GMEB2: variants seen among roughly 807,000 people sequenced by gnomAD.
The protein encoded by GMEB2 is glucocorticoid modulatory element-binding protein 2.
A neutral mutation model predicts 45.7 loss-of-function variants in GMEB2; 7 were observed. The observed-to-expected ratio is 0.15, with a 90% CI of 0.09 to 0.29. GMEB2 has a LOEUF of 0.29. Among genes scored for constraint, GMEB2 ranks in the 10% least tolerant of loss-of-function variants. The pLI is 1.00. For missense variants in GMEB2, 582 were observed against 739.2 expected, an observed-to-expected ratio of 0.79 and a Z score of 2.47; for synonymous variants, 322 against 323.6, an observed-to-expected ratio of 1.00 and a Z score of 0.05.
At chr20:63,620,124 C>G (rs1054715387) in intron 1 of GMEB2, among the ~76,000 whole-genome samples, 6 of 152,206 alleles carry the variant, frequency 3.9e-5, no homozygotes, top group African/African-American at 1.4e-4. Context: ...GTCTCAAACT[C>G]CTGACCTCAG....
chr20:63,617,864 G>A (rs1056202670), intron 2 of GMEB2, among the ~76,000 whole-genome samples: 4 of 152,302 alleles, frequency 2.6e-5, no homozygotes, highest in African/African-American at 9.6e-5. Context: ...CACGAAAGCT[G>A]GGCTCAGTTG....
intron 2 of GMEB2, among the ~76,000 whole-genome samples, chr20:63,609,778 C>T (rs71325455): frequency 6.9e-5 from 6 of 86,766 alleles, no homozygotes; most frequent in Non-Finnish European, 1.1e-4. Flanking sequence ...TAGAAACATG[C>T]CCCTCTGACC....
rs769413938 is a variant in GMEB2 at position 63,593,048 on chromosome 20, G to C, written c.654C>G (p.Thr218=). The change falls in exon 7 of 10, where the codon ACC becomes ACG. Residue 218 remains threonine (T), a synonymous_variant. Transcript: ENST00000370077. This position sits in a 1 kb window ranked among gnomAD's most constrained non-coding sequence, Gnocchi z 4.7. ...NGSPATITIE[T]CEDPGDWTAA... ...CGGTCCAGTCGCCAGGGTCTTCACA[G>C]GTCTCTATGGTGATGGTCGCAGGAG... is the stretch of plus-strand genomic sequence containing the variant. 4.3e-6 allele frequency: 7 copies of C among 1,612,194 alleles called. No individual in the cohort carries two copies. In the East Asian group the frequency reaches 1.6e-4, roughly 36 times the overall value.
chr20:63,614,667 C>T (rs1218449103), intron 2 of GMEB2, among the ~76,000 whole-genome samples: 4 of 152,300 alleles, frequency 2.6e-5, no homozygotes, highest in East Asian at 1.9e-4. Flanking sequence ...GCTCCTAGTC[C>T]GCCTTCATGT....
intron 2 of GMEB2, among the ~76,000 whole-genome samples, chr20:63,610,517 T>C (rs1270714264): frequency 6.6e-6 from 1 of 151,746 alleles, no homozygotes; most frequent in Non-Finnish European, 1.5e-5. Context: ...TGAGAATCTG[T>C]CTCAAAAAAA....
intron 5 of GMEB2, among the ~76,000 whole-genome samples, chr20:63,596,736 G>A (rs1480271601): frequency 2.0e-5 from 3 of 152,260 alleles, no homozygotes; most frequent in African/African-American, 7.2e-5. Context: ...GATAAGTGAA[G>A]GCCGGGCACG....
At chr20:63,615,029 T>C (rs1397988767) in intron 2 of GMEB2, among the ~76,000 whole-genome samples, 1 of 152,214 alleles carries the variant, frequency 6.6e-6, no homozygotes, top group African/African-American at 2.4e-5. Context: ...TCTTTATTTC[T>C]ACACTCTCTC....
intron 5 of GMEB2, among the ~76,000 whole-genome samples, chr20:63,597,281 C>T (rs2083207328): frequency 2.0e-5 from 3 of 151,242 alleles, no homozygotes; most frequent in African/African-American, 7.3e-5. Flanking sequence ...CCACCTTAGC[C>T]TCTCGAGCAG....
intron 3 of GMEB2, among the ~76,000 whole-genome samples, 161 bp downstream of exon 3, chr20:63,604,582 G>A (rs920278978): frequency 6.6e-6 from 1 of 152,184 alleles, no homozygotes; most frequent in Non-Finnish European, 1.5e-5. Flanking sequence ...TTCCACCTGG[G>A]GGACCTGGGG....
chr20:63,618,807 C>T (rs2089625979), intron 2 of GMEB2, among the ~76,000 whole-genome samples: 2 of 152,190 alleles, frequency 1.3e-5, no homozygotes, highest in Non-Finnish European at 2.9e-5. Flanking sequence ...GTTCCACCTA[C>T]GGGCAGCAAA....
intron 3 of GMEB2, among the ~76,000 whole-genome samples, chr20:63,603,830 A>G (rs1178676869): frequency 1.3e-5 from 2 of 152,122 alleles, no homozygotes; most frequent in East Asian, 1.9e-4. Context: ...AGGTGGGTGG[A>G]TCACCTGAGG....
At chr20:63,622,191 C>A (rs987931662) in intron 1 of GMEB2, among the ~76,000 whole-genome samples, 1 of 152,086 alleles carries the variant, frequency 6.6e-6, no homozygotes, top group African/African-American at 2.4e-5. Flanking sequence ...CTTTTAAAAT[C>A]ATCATTGTTA....
chr20:63,609,106 C>CT (rs201135517), intron 2 of GMEB2, among the ~76,000 whole-genome samples: 3 of 107,846 alleles, frequency 2.8e-5, no homozygotes, highest in African/African-American at 7.4e-5. Flanking sequence ...CCCCTCTGAC[C>CT]CACCTCCATT....
At chr20:63,605,753 G>A (rs2089513991) in intron 2 of GMEB2, among the ~76,000 whole-genome samples, 10 of 152,040 alleles carry the variant, frequency 6.6e-5, no homozygotes, top group Admixed American at 2.6e-4. Context: ...TCAGGAGTTC[G>A]AGACCAGCCT....
chr20:63,595,473 C>T, intron 6 of GMEB2, 137 bp downstream of exon 6: 1 of 705,408 alleles, frequency 1.4e-6, no homozygotes, highest in Non-Finnish European at 2.3e-6. Context: ...CCAGACAACT[C>T]AGGGTCCCAG....
At chr20:63,601,916 C>T (rs930557042) in intron 4 of GMEB2, among the ~76,000 whole-genome samples, 1 of 150,750 alleles carries the variant, frequency 6.6e-6, no homozygotes, top group Non-Finnish European at 1.5e-5. Context: ...TTCCGTGGGG[C>T]CTGTGGCTTC....
intron 3 of GMEB2, 87 bp downstream of exon 3, chr20:63,604,656 C>A (rs2089504168): frequency 3.7e-6 from 3 of 817,248 alleles, no homozygotes; most frequent in Non-Finnish European, 6.6e-6. Context: ...CCTTGTATAT[C>A]TCTGGCTGTT....
At chr20:63,626,351 C>CTA (rs2089672388) in intron 1 of GMEB2, among the ~76,000 whole-genome samples, 1 of 143,130 alleles carries the variant, frequency 7.0e-6, no homozygotes, top group African/African-American at 2.6e-5. Flanking sequence ...GGGGTGGCCC[C>CTA]TGGGAATCGC....
At chr20:63,616,879 C>A (rs1298236242) in intron 2 of GMEB2, among the ~76,000 whole-genome samples, 1 of 152,154 alleles carries the variant, frequency 6.6e-6, no homozygotes, top group Non-Finnish European at 1.5e-5. Context: ...AAGGCCTCAT[C>A]CCCAGTGTGA....
Sources: allele counts gnomAD v4.1 joint callset (sites outside exome capture counted in the v4.1 genomes callset), GRCh38; gene constraint gnomAD v4.1.1; non-coding constraint Gnocchi (gnomAD v3.1); transcripts MANE v1.5; gene names NCBI Gene and HGNC (gene_info 2026-07-23, HGNC 2026-07-21).